Variants in KCTD17 observed in about 807,000 individuals in gnomAD.
The protein encoded by KCTD17 is BTB/POZ domain-containing protein KCTD17.
Under a neutral mutation model 41.5 loss-of-function variants are expected in KCTD17, and 20 were observed. The ratio of observed to expected loss-of-function variants is 0.48; its 90% CI spans 0.34 to 0.70. KCTD17 has a LOEUF of 0.70. Among genes scored for constraint, KCTD17 ranks in the 30% least tolerant of loss-of-function variants. KCTD17 has a pLI of 0.01. For missense variants in KCTD17, 317 were observed against 427.2 expected (o/e 0.74, Z 2.27); for synonymous variants, 156 against 173.8 (o/e 0.90, Z 0.80).
chr22:37,051,826 G>C lies in KCTD17; in HGVS notation c.66G>C (p.Trp22Cys). ...AGAGGRAAGG[W>C]GKWVRLNVGG... ...CGGGCGGCCGCGCCGCAGGCGGCTG[G>C]GGCAAGTGGGTGCGGCTCAACGTGG... The change falls in exon 1 of 9, where the codon TGG (tryptophan) becomes TGC (cysteine). Residue 22 changes from tryptophan to cysteine, a missense_variant. Transcript: ENST00000403888. 1 of 1,395,704 alleles carries C rather than the reference G, an allele frequency of 7.2e-7. No homozygotes were observed. Among genetic ancestry groups the C allele is most frequent in the Non-Finnish European group, 9.4e-7 (1 of 1,069,458 alleles). 86.5% of individuals were successfully genotyped at this position (1,395,704 alleles called of 1,614,324 possible).
intron 1 of KCTD17, 117 bp from the exon 2 acceptor site, chr22:37,052,983 G>A (rs1050900004): frequency 1.7e-5 from 14 of 811,254 alleles, no homozygotes; most frequent in Non-Finnish European, 2.8e-5. Flanking sequence ...GCTACTTTGT[G>A]CCTGCTCCAT....
intron 8 of KCTD17, 89 bp from the exon 9 acceptor site, chr22:37,062,436 C>T: frequency 7.1e-7 from 1 of 1,410,902 alleles, no homozygotes; most frequent in Non-Finnish European, 9.5e-7. Context: ...TCAATCTCCT[C>T]TCCGCCCCCT....
intron 2 of KCTD17, among the ~76,000 whole-genome samples, chr22:37,054,417 C>A (rs188358242): frequency 6.7e-6 from 1 of 148,720 alleles, no homozygotes; most frequent in East Asian, 1.9e-4. Context: ...TAGGGGATCA[C>A]ACAGGGCTAT....
rs1012924060 is a variant in KCTD17, at chr22:37,062,817, C to T, written c.*223C>T. 8.9e-6 allele frequency: 9 copies of T among 1,010,252 alleles called. No individual in the cohort carries two copies. In the African/African-American group the frequency reaches 1.3e-4, roughly 15 times the overall value. The allele number at this position is 1,010,252 out of a possible 1,614,324, so 62.6% of individuals were successfully genotyped here. ...TGTGTGGCAATGTCTGGCTGTGTCT[C>T]TCCGGCACCTGCGTCCCCTCTCCCG... On this transcript the variant is annotated 3_prime_UTR_variant, in exon 9 of 9. Transcript: ENST00000403888.
chr22:37,061,970 C>G lies in KCTD17; in HGVS notation c.875+341C>G, dbSNP rs1430233023. The G allele has an allele frequency of 6.1e-6, 6 of 985,290 alleles. No homozygotes were observed. The Admixed American group carries it at 2.5e-4, about 40-fold the overall frequency. The allele number at this position is 985,290 out of a possible 1,614,324, so 61.0% of individuals were successfully genotyped here. A position where few individuals can be genotyped will look rare whatever the true frequency, so the allele number is the denominator to read the frequency against. On this transcript the variant is annotated intron_variant, in intron 8 of 8. Coordinates refer to ENST00000403888, the MANE Select transcript of KCTD17 (RefSeq NM_001282684.2). This position sits in a 1 kb window ranked among gnomAD's most constrained non-coding sequence, Gnocchi z 6.6. The stretch of plus-strand genomic sequence containing the variant: ...GGAGGACAGGCCACTTTTGGATACC[C>G]TTGGCCCATGAAGTGTCAGCCAGAG...
At chr22:37,052,872 G>A (rs1177903395) in intron 1 of KCTD17, among the ~76,000 whole-genome samples, 1 of 152,208 alleles carries the variant, frequency 6.6e-6, no homozygotes, top group Non-Finnish European at 1.5e-5. Context: ...GGGGAGAGGA[G>A]TGAGTTTCAA....
At position 37,062,936 on chromosome 22, in the gene KCTD17, C is replaced by T; in HGVS notation, c.*342C>T. 2.9e-6 allele frequency: 1 copy of T among 346,136 alleles called. No homozygotes were observed. The allele number at this position is 346,136 out of a possible 1,614,324, so 21.4% of individuals were successfully genotyped here. A position where few individuals can be genotyped will look rare whatever the true frequency, so the allele number is the denominator to read the frequency against. ...CAGGGGGTCACTCCTCCCACCCCAC[C>T]TACCTCACAGGGTTGTTGTGAGGGT... On this transcript the variant is annotated 3_prime_UTR_variant, in exon 9 of 9. Coordinates refer to ENST00000403888, the MANE Select transcript of KCTD17 (RefSeq NM_001282684.2).
At chr22:37,057,658 C>A (rs1234207474) in intron 4 of KCTD17, among the ~76,000 whole-genome samples, 165 bp downstream of exon 4, 1 of 152,196 alleles carries the variant, frequency 6.6e-6, no homozygotes, top group Non-Finnish European at 1.5e-5. Flanking sequence ...TAGGAGAGAC[C>A]ACACTTGGTG....
chr22:37,062,416 C>A, intron 8 of KCTD17, 109 bp from the exon 9 acceptor site: 2 of 1,146,194 alleles, frequency 1.7e-6, no homozygotes, highest in Non-Finnish European at 2.3e-6. Flanking sequence ...CTCTCCCTCT[C>A]CCCCACCCGT....
chr22:37,052,580 G>A (rs1244552972), intron 1 of KCTD17: 7 of 470,696 alleles, frequency 1.5e-5, no homozygotes, highest in Non-Finnish European at 2.2e-5. Context: ...GTGACCCTCC[G>A]ATGCTGTGGC....
chr22:37,059,284 A>AT, intron 4 of KCTD17, 29 bp from the exon 5 acceptor site: 1 of 1,609,640 alleles, frequency 6.2e-7, no homozygotes. Flanking sequence ...ACCAACCTGC[A>AT]TTTTTCTCCC....
intron 8 of KCTD17, chr22:37,062,297 T>A (rs977395077): frequency 1.0e-6 from 1 of 985,064 alleles, no homozygotes; most frequent in Non-Finnish European, 1.2e-6. Flanking sequence ...GATGGGTTAG[T>A]TGGGGAGCCC....
At chr22:37,052,408 C>A in intron 1 of KCTD17, 1 of 409,758 alleles carries the variant, frequency 2.4e-6, no homozygotes, top group Non-Finnish European at 5.0e-6. Flanking sequence ...GGAGCGTTGG[C>A]CCAGCGGGCA....
Position 37,061,761 on chromosome 22 carries a change from G to C in KCTD17, c.875+132G>C, listed in dbSNP as rs953323543. 18 of 1,447,866 alleles carry C rather than the reference G, an allele frequency of 1.2e-5. No homozygotes were observed. The South Asian group carries it at 1.5e-4, about 12-fold the overall frequency. 89.7% of individuals were successfully genotyped at this position (1,447,866 alleles called of 1,614,324 possible). A position where few individuals can be genotyped will look rare whatever the true frequency, so the allele number is the denominator to read the frequency against. ...AGTTTCTCATCCGACCTTGGCCTTG[G>C]GGGTGAGGCTCTGAGAGGAGAAGAA... On this transcript the variant is annotated intron_variant, in intron 8 of 8. Transcript: ENST00000403888. The surrounding 1 kb of genome is among the most constrained non-coding windows in gnomAD (Gnocchi z 6.6).
At position 37,061,439 on chromosome 22, in the gene KCTD17, C is replaced by A; in HGVS notation, c.785-100C>A. 1 of 1,498,884 alleles carries A rather than the reference C, an allele frequency of 6.7e-7. No individual in the cohort carries two copies. Among genetic ancestry groups the A allele is most frequent in the Non-Finnish European group, 8.9e-7 (1 of 1,124,454 alleles). The allele number at this position is 1,498,884 out of a possible 1,614,324, so 92.8% of individuals were successfully genotyped here. A position where few individuals can be genotyped will look rare whatever the true frequency, so the allele number is the denominator to read the frequency against. ...GGGGCGCAGCTGCACCTCCTCTGTG[C>A]CCACTAACCCTGCCGGGCACCTCTG... On this transcript the variant is annotated intron_variant, in intron 7 of 8. Coordinates refer to ENST00000403888, the MANE Select transcript of KCTD17 (RefSeq NM_001282684.2). This position sits in a 1 kb window ranked among gnomAD's most constrained non-coding sequence, Gnocchi z 6.6.
rs1242774467 is a variant in KCTD17, at chr22:37,053,991, CTGGTATCTATTCAA to C, written c.298+787_298+800del. ...GTCACTTCTCCTCACTGCGTCTCCA[CTGGTATCTATTCAA>C]TGGGGGCGGTGATCTGCCTTCTGGA... is the stretch of plus-strand genomic sequence containing the variant. On this transcript the variant is annotated intron_variant, in intron 2 of 8. Transcript: ENST00000403888. The surrounding 1 kb of genome is among the most constrained non-coding windows in gnomAD (Gnocchi z 4.1). 1.3e-5 allele frequency among the ~76,000 whole-genome samples: 2 copies of C among 152,198 alleles called. No homozygotes were observed. The highest frequency in any genetic ancestry group is 2.9e-5 in the Non-Finnish European group (2 of 68,028).
chr22:37,053,256 G>A lies in KCTD17; in HGVS notation c.298+48G>A, dbSNP rs371310195. The A allele has an allele frequency of 6.3e-6, 9 of 1,434,656 alleles. No individual in the cohort carries two copies. The South Asian group carries it at 7.3e-5, about 12-fold the overall frequency. 88.9% of individuals were successfully genotyped at this position (1,434,656 alleles called of 1,614,324 possible). On this transcript the variant is annotated intron_variant, in intron 2 of 8. Transcript: ENST00000403888. This position sits in a 1 kb window ranked among gnomAD's most constrained non-coding sequence, Gnocchi z 4.1. ...CCTGGACCTTATGCAGCCTGCCAGG[G>A]CCCTCTGTGGAGGCCCCAAGCCATT...
chr22:37,060,388 G>C (rs1232982497), intron 5 of KCTD17, among the ~76,000 whole-genome samples: 2 of 152,098 alleles, frequency 1.3e-5, no homozygotes, highest in East Asian at 1.9e-4. Flanking sequence ...AAAGCCCCTG[G>C]ACCTGGGGTG....
At position 37,062,211 on chromosome 22, in the gene KCTD17, C is replaced by T. The variant is rs1316092736; in HGVS notation, c.876-314C>T. 16 of 985,264 alleles carry T rather than the reference C, an allele frequency of 1.6e-5. No homozygotes were observed. The Admixed American group carries it at 8.0e-4, about 49-fold the overall frequency. The allele number at this position is 985,264 out of a possible 1,614,324, so 61.0% of individuals were successfully genotyped here. A position where few individuals can be genotyped will look rare whatever the true frequency, so the allele number is the denominator to read the frequency against. On this transcript the variant is annotated intron_variant, in intron 8 of 8. Coordinates refer to ENST00000403888, the MANE Select transcript of KCTD17 (RefSeq NM_001282684.2). ...CAGCCCTGAGCAACCCCCATCCCACCCCCTTCAGAGTCTTGGCAGAATCTG... is the reference window on the plus strand; with the variant it reads ...CAGCCCTGAGCAACCCCCATCCCACTCCCTTCAGAGTCTTGGCAGAATCTG...
Sources: gnomAD v4.1 joint callset for allele counts (sites outside exome capture counted in the v4.1 genomes callset) on GRCh38, gnomAD v4.1.1 for gene constraint, Gnocchi (gnomAD v3.1) non-coding constraint, MANE v1.5 for transcripts, NCBI Gene and HGNC (gene_info 2026-07-23, HGNC 2026-07-21) for gene names.